Variants in ADAP1 observed in about 807,000 individuals in gnomAD.
ADAP1 encodes arf-GAP with dual PH domain-containing protein 1.
In ADAP1, 31 loss-of-function variants were observed where a neutral mutation model predicts 54.9. The observed-to-expected ratio is 0.56, with a 90% CI of 0.42 to 0.76. The LOEUF (loss-of-function observed/expected upper bound fraction) is 0.76, where lower values mean the gene tolerates loss of function less well. Among genes scored for constraint, ADAP1 ranks in the 30% least tolerant of loss-of-function variants. The probability of loss-of-function intolerance (pLI) is 0.00; values close to 1 mark genes in which losing one functional copy is unlikely to be tolerated. For missense variants in ADAP1, 535 were observed against 512.4 expected, an observed-to-expected ratio of 1.04 and a Z score of -0.42; for synonymous variants, 313 against 202.6, an observed-to-expected ratio of 1.55 and a Z score of -4.63.
chr7:912,053 G>T (rs893449575), intron 4 of ADAP1, among the ~76,000 whole-genome samples: 1 of 152,168 alleles, frequency 6.6e-6, no homozygotes, highest in Non-Finnish European at 1.5e-5. Context: ...CTATATGGAC[G>T]GGGAAACCGA....
At chr7:928,489 G>A (rs1478547771) in intron 2 of ADAP1, among the ~76,000 whole-genome samples, 2 of 152,156 alleles carry the variant, frequency 1.3e-5, no homozygotes, top group African/African-American at 2.4e-5. Flanking sequence ...TCTGTTGCCC[G>A]GGCTGGTCTC....
chr7:927,290 G>A (rs3824074), intron 2 of ADAP1: 5 of 1,210,190 alleles, frequency 4.1e-6, no homozygotes, highest in East Asian at 5.9e-5. Context: ...AGGCTGTCAC[G>A]CACACTGTGC....
At chr7:919,703 G>C in intron 4 of ADAP1, among the ~76,000 whole-genome samples, 1 of 51,210 alleles carries the variant, frequency 2.0e-5, no homozygotes, top group Non-Finnish European at 4.0e-5. Context: ...ATAAAGACAG[G>C]GGAGAAAGAG....
chr7:920,776 TG>T lies in ADAP1; in HGVS notation c.306-727del. The T allele has an allele frequency of 6.5e-7, 1 of 1,548,836 alleles. No homozygotes were observed. Among genetic ancestry groups the T allele is most frequent in the Non-Finnish European group, 8.7e-7 (1 of 1,146,226 alleles). ...CCCACCACGGCCTCCCCATCCACCG[TG>T]ACTCACTCGAGTGAAGCCAATACCA... On this transcript the variant is annotated intron_variant, in intron 3 of 10. Transcript: ENST00000265846. The surrounding 1 kb of genome is among the most constrained non-coding windows in gnomAD (Gnocchi z 4.5).
chr7:905,230 G>T lies in ADAP1; in HGVS notation c.389-58C>A, dbSNP rs996393223. On this transcript the variant is annotated intron_variant, in intron 4 of 10. Coordinates refer to ENST00000265846, the MANE Select transcript of ADAP1 (RefSeq NM_006869.4). Reference sequence around the variant, plus strand: ...GTGGATGGGGGGGAGGAAACAAAAGGAGTGACGATGGACAGGACAGAGGGG... The same window carrying T: ...GTGGATGGGGGGGAGGAAACAAAAGTAGTGACGATGGACAGGACAGAGGGG... 9 of 1,343,378 alleles carry T rather than the reference G, an allele frequency of 6.7e-6. No individual in the cohort carries two copies. In the African/African-American group the frequency reaches 1.4e-4, roughly 20 times the overall value. 83.2% of individuals were successfully genotyped at this position (1,343,378 alleles called of 1,614,324 possible).
In ADAP1 at chr7:900,157, G is replaced by A; in HGVS notation, c.740C>T (p.Pro247Leu). ...CTTCAGGTAGTTCCTGGAGAGCTTT[G>A]GCACCAGCTAGGGCAGGACACACCA... is the stretch of plus-strand genomic sequence containing the variant. ...FPGAGDADLV[P>L]KLSRNYLKEG... The change falls in exon 8 of 11, where the codon CCA becomes CTA. Residue 247 changes from proline (P) to leucine (L), a missense_variant. Pro to Leu is a moderately conservative substitution (Grantham distance 98, BLOSUM62 -3). Transcript: ENST00000265846. 3.1e-6 allele frequency: 5 copies of A among 1,613,176 alleles called. No individual in the cohort carries two copies. Among genetic ancestry groups the A allele is most frequent in the Middle Eastern group, 1.6e-4 (1 of 6,062 alleles).
At chr7:940,974 T>C (rs991898999) in intron 1 of ADAP1, among the ~76,000 whole-genome samples, 27 of 151,986 alleles carry the variant, frequency 1.8e-4, no homozygotes, top group Middle Eastern at 3.4e-3. Context: ...CAATTTGATA[T>C]AGAGGATTCA....
At position 898,895 on chromosome 7, in the gene ADAP1, T is replaced by C. The variant is rs755305521; in HGVS notation, c.*26A>G. The C allele has an allele frequency of 8.2e-6, 13 of 1,585,332 alleles. No homozygotes were observed. The Admixed American group carries it at 1.4e-4, about 17-fold the overall frequency. ...CTCCGTCCAGCCACAGTGAGTCCAA[T>C]GTCCGTGGTCCTCCAGCCGCACTCG... On this transcript the variant is annotated 3_prime_UTR_variant, in exon 11 of 11. Transcript: ENST00000265846.
intron 3 of ADAP1, among the ~76,000 whole-genome samples, chr7:921,954 G>A (rs943411436): frequency 1.6e-4 from 24 of 152,310 alleles, no homozygotes; most frequent in South Asian, 1.0e-3. Context: ...GCTCACACCC[G>A]CACACAAGGG....
intron 6 of ADAP1, among the ~76,000 whole-genome samples, chr7:903,465 G>A (rs780654934): frequency 2.0e-5 from 3 of 152,180 alleles, no homozygotes; most frequent in Admixed American, 6.5e-5. Flanking sequence ...TGTTTCTCAA[G>A]ATTTAGGAAC....
intron 4 of ADAP1, 31 bp downstream of exon 4, chr7:919,937 G>C: frequency 6.3e-7 from 1 of 1,577,996 alleles, no homozygotes; most frequent in Non-Finnish European, 8.6e-7. Flanking sequence ...AGAGGTAGCC[G>C]GGAGGCCCCA....
At position 899,061 on chromosome 7, in the gene ADAP1, G is replaced by C. The variant is rs575465873; in HGVS notation, c.1068C>G (p.Asp356Glu). 3 of 1,608,656 alleles carry C rather than the reference G, an allele frequency of 1.9e-6. No homozygotes were observed. Among genetic ancestry groups the C allele is most frequent in the Non-Finnish European group, 2.5e-6 (3 of 1,179,902 alleles). Residue 356 changes from aspartate (D) to glutamate (E), a missense_variant, in exon 10 of 11, where the codon GAC becomes GAG. Transcript: ENST00000265846. ...EWVAAFQKAV[D>E]RPMLPQEYAV... The stretch of plus-strand genomic sequence containing the variant: ...CGTACTCCTGGGGCAGCATGGGCCT[G>C]TCCACCGCCTTCTGGAAGGCCGCCA...
At chr7:934,822 C>A (rs1219644488) in intron 2 of ADAP1, among the ~76,000 whole-genome samples, 1 of 152,210 alleles carries the variant, frequency 6.6e-6, no homozygotes, top group East Asian at 1.9e-4. Flanking sequence ...CCCTGCCTGG[C>A]CATGCCAAGT....
intron 4 of ADAP1, among the ~76,000 whole-genome samples, chr7:916,981 A>AG (rs1354948422): frequency 5.4e-4 from 48 of 89,028 alleles, no homozygotes; most frequent in South Asian, 1.3e-3. Context: ...GGTGCACAGG[A>AG]GGGGTGCGCA....
chr7:920,144 G>T lies in ADAP1; in HGVS notation c.306-94C>A. On this transcript the variant is annotated intron_variant, in intron 3 of 10. Coordinates refer to ENST00000265846, the MANE Select transcript of ADAP1 (RefSeq NM_006869.4). This position sits in a 1 kb window ranked among gnomAD's most constrained non-coding sequence, Gnocchi z 4.5. ...GCCCGGACCCTGGACATCTCAAGAG[G>T]CTCATAGGGACCCCCGGCAGACTCG... 8.7e-7 allele frequency: 1 copy of T among 1,145,800 alleles called. No homozygotes were observed. The highest frequency in any genetic ancestry group is 1.3e-6 in the Non-Finnish European group (1 of 799,938). 71.0% of individuals were successfully genotyped at this position (1,145,800 alleles called of 1,614,324 possible).
At chr7:911,526 T>A (rs545350681) in intron 4 of ADAP1, among the ~76,000 whole-genome samples, 1 of 149,030 alleles carries the variant, frequency 6.7e-6, no homozygotes, top group South Asian at 2.1e-4. Flanking sequence ...AAGACAAACA[T>A]GCCAGGAAAG....
rs3779611 is a variant in ADAP1 at position 932,457 on chromosome 7, A to G, written c.213+2918T>C. 1.4e-4 allele frequency among the ~76,000 whole-genome samples: 21 copies of G among 152,210 alleles called. No homozygotes were observed. The East Asian group carries it at 4.1e-3, about 29-fold the overall frequency. On this transcript the variant is annotated intron_variant, in intron 2 of 10. Coordinates refer to ENST00000265846, the MANE Select transcript of ADAP1 (RefSeq NM_006869.4). ...GCCACGTCTTCTCCCCGAGCCAAGG[A>G]GTCTGTGCCCCTGGAGGCCCTCCAG... is the stretch of plus-strand genomic sequence containing the variant.
At chr7:911,907 C>T (rs775199913) in intron 4 of ADAP1, among the ~76,000 whole-genome samples, 22 of 152,104 alleles carry the variant, frequency 1.4e-4, no homozygotes, top group Admixed American at 1.4e-3. Flanking sequence ...CCCGTCCCCC[C>T]GAGGGGCAGC....
rs570124343 is a variant in ADAP1, at chr7:919,067, G to A, written c.388+901C>T. Among the ~76,000 whole-genome samples the A allele has an allele frequency of 6.6e-5, 10 of 152,262 alleles. No individual in the cohort carries two copies. The East Asian group carries it at 1.7e-3, about 26-fold the overall frequency. On this transcript the variant is annotated intron_variant, in intron 4 of 10. Transcript: ENST00000265846. ...CAGGCCCCCATGGCACTGCCTCCCA[G>A]CGCCCACCTCCACAGCCCCGCCAGC...
Sources: allele counts gnomAD v4.1 joint callset (sites outside exome capture counted in the v4.1 genomes callset), GRCh38; gene constraint gnomAD v4.1.1; non-coding constraint Gnocchi (gnomAD v3.1); transcripts MANE v1.5; gene names NCBI Gene and HGNC (gene_info 2026-07-23, HGNC 2026-07-21).